The following TLK2 variants were observed in gnomAD, a reference collection of about 807,000 sequenced individuals.
The protein encoded by TLK2 is tousled like kinase 2, also known as serine/threonine-protein kinase tousled-like 2.
TLK2 carries 6 observed loss-of-function variants against 117.3 expected under a neutral mutation model. The ratio of observed to expected loss-of-function variants is 0.05; its 90% CI spans 0.03 to 0.10. TLK2 has a LOEUF of 0.10. Ranked by LOEUF, TLK2 falls within the 10% of genes least tolerant of loss-of-function variation. TLK2 has a pLI of 1.00. For synonymous variants in TLK2, 257 were observed against 316.7 expected (o/e 0.81, Z 2.00); for missense variants, 299 against 901.2 (o/e 0.33, Z 8.56).
At chr17:62,480,954 C>T (rs1331024044) in intron 1 of TLK2, among the ~76,000 whole-genome samples, 167 bp from the exon 2 acceptor site, 2 of 152,192 alleles carry the variant, frequency 1.3e-5, no homozygotes, top group Non-Finnish European at 2.9e-5. Context: ...CAATATATTA[C>T]TGTTTGATGC....
intron 12 of TLK2, among the ~76,000 whole-genome samples, chr17:62,574,872 C>T (rs972990545): frequency 6.6e-6 from 1 of 152,044 alleles, no homozygotes; most frequent in African/African-American, 2.4e-5. Context: ...TAGTCAAGTG[C>T]AATAATGAGA....
Position 62,615,036 on chromosome 17 carries a change from T to A in TLK2, c.*2471T>A, listed in dbSNP as rs1449371053. 1 of 152,174 alleles carries A rather than the reference T, an allele frequency of 6.6e-6. No homozygotes were observed. Among genetic ancestry groups the A allele is most frequent in the Non-Finnish European group, 1.5e-5 (1 of 68,030 alleles). The allele number at this position is 152,174 out of a possible 1,614,324, so 9.4% of individuals were successfully genotyped here. A position where few individuals can be genotyped will look rare whatever the true frequency, so the allele number is the denominator to read the frequency against. On this transcript the variant is annotated 3_prime_UTR_variant, in exon 22 of 22. Transcript: ENST00000346027. ...AAGCCTTCCCAGTAACTTCCTGCCTTTTTTTTCCCCGTGGGCTTTTAAGTG... is the reference window on the plus strand; with the variant it reads ...AAGCCTTCCCAGTAACTTCCTGCCTATTTTTTCCCCGTGGGCTTTTAAGTG...
intron 7 of TLK2, among the ~76,000 whole-genome samples, chr17:62,548,310 C>T (rs1049341388): frequency 6.9e-6 from 1 of 144,284 alleles, no homozygotes; most frequent in African/African-American, 2.6e-5. Flanking sequence ...GAGCTGGAGT[C>T]TCACTCTGTC....
At chr17:62,586,826 C>CA (rs35381069) in intron 16 of TLK2, among the ~76,000 whole-genome samples, 66,402 of 142,524 alleles carry the variant, frequency 0.47, 16,569 homozygotes, top group East Asian at 0.7. Context: ...GACTGCATCT[C>CA]AAAAAAAAAA....
Position 62,493,734 on chromosome 17 carries a change from C to T in TLK2, c.81+12528C>T, listed in dbSNP as rs371308548. ...GCCCAGTAAGTAAGAACTAAGCTACCATGTAACTTGGCAAGTTACATAGGA... is the reference window on the plus strand; with the variant it reads ...GCCCAGTAAGTAAGAACTAAGCTACTATGTAACTTGGCAAGTTACATAGGA... On this transcript the variant is annotated intron_variant, in intron 2 of 21. Transcript: ENST00000346027. Among the ~76,000 whole-genome samples, 420 of 151,920 alleles carry T rather than the reference C, an allele frequency of 2.8e-3. 5 individuals carry two copies. Among genetic ancestry groups the T allele is most frequent in the African/African-American group, 9.9e-3 (409 of 41,464 alleles).
chr17:62,550,335 G>A (rs2146163089), intron 7 of TLK2: 1 of 152,336 alleles, frequency 6.6e-6, no homozygotes, highest in South Asian at 2.1e-4. Context: ...TAGGTTATGT[G>A]CCTTGTTATA....
chr17:62,548,933 G>C (rs2078169134), intron 7 of TLK2, among the ~76,000 whole-genome samples: 2 of 149,498 alleles, frequency 1.3e-5, no homozygotes, highest in South Asian at 4.3e-4. Flanking sequence ...TAGAGACAGG[G>C]TTTCACCATG....
chr17:62,479,024 C>G lies in TLK2; in HGVS notation c.-272C>G, dbSNP rs1467220525. On this transcript the variant is annotated 5_prime_UTR_variant, in exon 1 of 22. Transcript: ENST00000346027. ...GCCAGGAGGCCGGTCCCGCGCCCCC[C>G]GCGGCCGCCCGGGCCCGGGCCCGCG... 6.6e-6 allele frequency: 1 copy of G among 150,626 alleles called. No homozygotes were observed. The highest frequency in any genetic ancestry group is 6.6e-5 in the Admixed American group (1 of 15,136). The allele number at this position is 150,626 out of a possible 1,614,324, so 9.3% of individuals were successfully genotyped here.
chr17:62,518,878 C>T (rs1598349565), intron 2 of TLK2, among the ~76,000 whole-genome samples: 1 of 151,940 alleles, frequency 6.6e-6, no homozygotes, highest in East Asian at 1.9e-4. Context: ...TTATTTTACT[C>T]ATAACTGTTT....
rs956984721 is a variant in TLK2 at position 62,548,536 on chromosome 17, C to T, written c.532-3766C>T. 5.9e-5 allele frequency among the ~76,000 whole-genome samples: 9 copies of T among 151,758 alleles called. No homozygotes were observed. The East Asian group carries it at 7.8e-4, about 13-fold the overall frequency. ...GACCTCATGATCTGCCTGTCTTGGC[C>T]TCCCAAAGTGACAGGATTACAGGCA... is the stretch of plus-strand genomic sequence containing the variant. On this transcript the variant is annotated intron_variant, in intron 7 of 21. Coordinates refer to ENST00000346027, the MANE Select transcript of TLK2 (RefSeq NM_006852.6).
intron 13 of TLK2, among the ~76,000 whole-genome samples, chr17:62,577,943 A>T (rs1034010185): frequency 6.6e-6 from 1 of 152,178 alleles, no homozygotes; most frequent in Non-Finnish European, 1.5e-5. Flanking sequence ...GCTACTCGGG[A>T]GGCTGAGGCA....
At chr17:62,600,951 G>A in intron 18 of TLK2, 131 bp downstream of exon 18, 3 of 905,326 alleles carry the variant, frequency 3.3e-6, no homozygotes, top group Non-Finnish European at 4.9e-6. Context: ...TGATTGCCTG[G>A]GTAGGTGTGG....
intron 16 of TLK2, among the ~76,000 whole-genome samples, chr17:62,592,138 T>A (rs78270993): frequency 6.6e-6 from 1 of 151,882 alleles, no homozygotes; most frequent in Non-Finnish European, 1.5e-5. Flanking sequence ...TTTTTTTTTT[T>A]AGTAGAGACA....
intron 6 of TLK2, among the ~76,000 whole-genome samples, chr17:62,529,888 G>T (rs2076622774): frequency 6.6e-6 from 1 of 151,584 alleles, no homozygotes; most frequent in Non-Finnish European, 1.5e-5. Flanking sequence ...TGTCTTTGGT[G>T]TTTCTCTTAG....
At chr17:62,559,366 TA>T (rs894731335) in intron 9 of TLK2, among the ~76,000 whole-genome samples, 4 of 150,928 alleles carry the variant, frequency 2.7e-5, no homozygotes, top group South Asian at 4.2e-4. Flanking sequence ...CATTGTAGTT[TA>T]TTTTTTTTTT....
At chr17:62,478,375 T>G (rs2071167913), upstream of TLK2, among the ~76,000 whole-genome samples, 1 of 150,574 alleles carries the variant, frequency 6.6e-6, no homozygotes, top group Non-Finnish European at 1.5e-5. Context: ...CGGGAACGGG[T>G]GGACCCGGGC....
At chr17:62,563,712 C>T (rs1335194499) in intron 10 of TLK2, among the ~76,000 whole-genome samples, 1 of 152,192 alleles carries the variant, frequency 6.6e-6, no homozygotes, top group Admixed American at 6.5e-5. Flanking sequence ...AACTCCCCCT[C>T]TCTCTAGGCT....
intron 2 of TLK2, among the ~76,000 whole-genome samples, chr17:62,511,540 T>G (rs2145256351): frequency 6.6e-6 from 1 of 152,212 alleles, no homozygotes; most frequent in East Asian, 1.9e-4. Flanking sequence ...TAGCTAATTT[T>G]TAAATTTTTT....
chr17:62,480,650 C>A (rs1256386789), intron 1 of TLK2, among the ~76,000 whole-genome samples: 1 of 152,192 alleles, frequency 6.6e-6, no homozygotes, highest in African/African-American at 2.4e-5. Context: ...TTTGTAGCTT[C>A]TGATTCATCC....
Sources: gnomAD v4.1 joint callset for allele counts (sites outside exome capture counted in the v4.1 genomes callset) on GRCh38, gnomAD v4.1.1 for gene constraint, MANE v1.5 for transcripts, NCBI Gene and HGNC (gene_info 2026-07-23, HGNC 2026-07-21) for gene names.